CRADD: variants seen among roughly 807,000 people sequenced by gnomAD.
CRADD encodes the protein death domain-containing protein CRADD.
In CRADD, 9 loss-of-function variants were observed where a neutral mutation model predicts 15.5. That is an observed-to-expected ratio of 0.58 (90% CI 0.35 to 1.01). The LOEUF is 1.01. Ranked by LOEUF, CRADD falls within the 50% of genes least tolerant of loss-of-function variation. The pLI is 0.02. For missense variants in CRADD, 227 were observed against 250.3 expected, an observed-to-expected ratio of 0.91 and a Z score of 0.63; for synonymous variants, 118 against 107.6, an observed-to-expected ratio of 1.10 and a Z score of -0.60.
In CRADD at chr12:93,748,810, T is replaced by G. The variant is rs111377564; in HGVS notation, c.298+69738T>G. 3.9e-3 allele frequency among the ~76,000 whole-genome samples: 591 copies of G among 152,080 alleles called. 6 individuals are homozygous for G. Among genetic ancestry groups the G allele is most frequent in the African/African-American group, 0.014 (571 of 41,458 alleles). ...ACTAATCTGCAGTCTCTTCTGGGAG[T>G]TGATTGGAAACAGGTATCTTTGGGG... On this transcript the variant is annotated intron_variant, in intron 2 of 2. Transcript: ENST00000332896.
intron 2 of CRADD, among the ~76,000 whole-genome samples, chr12:93,868,392 C>A (rs1019373622): frequency 2.6e-5 from 4 of 152,078 alleles, no homozygotes; most frequent in Non-Finnish European, 4.4e-5. Context: ...TAATTCATAA[C>A]CTATAACTCC....
At chr12:93,877,223 T>C (rs1191199184) in intron 2 of CRADD, among the ~76,000 whole-genome samples, 1 of 152,206 alleles carries the variant, frequency 6.6e-6, no homozygotes, top group Non-Finnish European at 1.5e-5. Context: ...CAAGAACCTC[T>C]GTGGCTACCA....
chr12:93,831,756 A>C (rs973331388), intron 2 of CRADD, among the ~76,000 whole-genome samples: 3 of 152,226 alleles, frequency 2.0e-5, no homozygotes, highest in African/African-American at 7.2e-5. Flanking sequence ...ACCTGCTTGC[A>C]GGTTAGCGTC....
chr12:93,787,970 G>C (rs1487191786), intron 2 of CRADD, among the ~76,000 whole-genome samples: 1 of 152,146 alleles, frequency 6.6e-6, no homozygotes, highest in Non-Finnish European at 1.5e-5. Context: ...TAATTATCCT[G>C]TCTTTTCCTT....
intron 2 of CRADD, chr12:93,849,271 A>G (rs1958178039): frequency 6.6e-6 from 1 of 152,320 alleles, no homozygotes; most frequent in African/African-American, 2.4e-5. Flanking sequence ...GAATTCCCCC[A>G]GAATGCCTTG....
chr12:93,876,900 T>C (rs570238397), intron 2 of CRADD, among the ~76,000 whole-genome samples: 1 of 152,284 alleles, frequency 6.6e-6, no homozygotes, highest in South Asian at 2.1e-4. Context: ...TGTCTGGCCA[T>C]TGAAGAGTGA....
intron 2 of CRADD, among the ~76,000 whole-genome samples, chr12:93,730,687 A>G (rs1592939026): frequency 1.3e-5 from 2 of 149,010 alleles, no homozygotes; most frequent in East Asian, 3.9e-4. Context: ...GTAGAGCTAT[A>G]TTTATTATTT....
At chr12:93,805,233 A>G (rs1386292390) in intron 2 of CRADD, among the ~76,000 whole-genome samples, 1 of 152,042 alleles carries the variant, frequency 6.6e-6, no homozygotes, top group Non-Finnish European at 1.5e-5. Flanking sequence ...AAATCCTGTA[A>G]TACAGATTTC....
At position 93,850,173 on chromosome 12, in the gene CRADD, C is replaced by T. The variant is rs759706743; in HGVS notation, c.502C>T (p.Arg168Trp). 1.7e-5 allele frequency: 28 copies of T among 1,613,768 alleles called. No homozygotes were observed. The highest frequency in any genetic ancestry group is 9.9e-5 in the South Asian group (9 of 91,078). Residue 168 changes from arginine to tryptophan, a missense_variant, in exon 3 of 3, where the codon CGG (arginine) becomes TGG (tryptophan). By Grantham distance (101) the Arg-to-Trp change is moderately radical. Coordinates refer to ENST00000332896, the MANE Select transcript of CRADD (RefSeq NM_003805.5). The surrounding 1 kb of genome is among the most constrained non-coding windows in gnomAD (Gnocchi z 4.0). ...SQVVEAFIRWRQRFGKQATFQ... is the reference protein window; with the variant it reads ...SQVVEAFIRWWQRFGKQATFQ... ...GGTGGTGGAGGCCTTCATCCGTTGGCGGCAGCGCTTCGGGAAGCAGGCCAC... is the reference window on the plus strand; with the variant it reads ...GGTGGTGGAGGCCTTCATCCGTTGGTGGCAGCGCTTCGGGAAGCAGGCCAC...
At chr12:93,854,703 CA>C (rs570764705), downstream of CRADD, among the ~76,000 whole-genome samples, 459 of 152,284 alleles carry the variant, frequency 3.0e-3, 2 homozygotes, top group Non-Finnish European at 4.2e-3. Flanking sequence ...TCCCCCACCC[CA>C]CAGAATGCAC....
At chr12:93,704,544 G>A (rs544796689) in intron 2 of CRADD, among the ~76,000 whole-genome samples, 1 of 152,210 alleles carries the variant, frequency 6.6e-6, no homozygotes, top group East Asian at 1.9e-4. Flanking sequence ...CTGTCTACTT[G>A]AGTCCATCCC....
chr12:93,740,587 A>C (rs1032550054), intron 2 of CRADD, among the ~76,000 whole-genome samples: 6 of 152,194 alleles, frequency 3.9e-5, no homozygotes, highest in African/African-American at 1.4e-4. Context: ...AAATAAGATA[A>C]ATTGGATTCT....
At chr12:93,750,159 G>A (rs1956813159) in intron 2 of CRADD, among the ~76,000 whole-genome samples, 1 of 152,098 alleles carries the variant, frequency 6.6e-6, no homozygotes, top group South Asian at 2.1e-4. Flanking sequence ...AGGAACTTCG[G>A]GCATATAAAT....
In CRADD at chr12:93,786,262, C is replaced by T. The variant is rs77298408; in HGVS notation, c.299-63708C>T. 3.2e-3 allele frequency among the ~76,000 whole-genome samples: 482 copies of T among 152,282 alleles called. 2 individuals carry two copies. The highest frequency in any genetic ancestry group is 0.011 in the African/African-American group (442 of 41,560). ...CACAGTTGAGAGATGAAGGACAGAC[C>T]TGGATTCTAACAGACCTAAATTTGA... On this transcript the variant is annotated intron_variant, in intron 2 of 2. Coordinates refer to ENST00000332896, the MANE Select transcript of CRADD (RefSeq NM_003805.5).
chr12:93,751,097 C>T (rs760496035), intron 2 of CRADD, among the ~76,000 whole-genome samples: 6 of 152,066 alleles, frequency 3.9e-5, no homozygotes, highest in Non-Finnish European at 7.4e-5. Flanking sequence ...AGACATTCCA[C>T]AAATACAAAT....
chr12:93,757,147 A>G (rs1956899949), intron 2 of CRADD, among the ~76,000 whole-genome samples: 1 of 152,234 alleles, frequency 6.6e-6, no homozygotes, highest in South Asian at 2.1e-4. Flanking sequence ...ATAAAGCATT[A>G]GAAGATTTTC....
chr12:93,828,864 A>C (rs572994668), intron 2 of CRADD, among the ~76,000 whole-genome samples: 3 of 152,292 alleles, frequency 2.0e-5, no homozygotes, highest in African/African-American at 7.2e-5. Context: ...CTATTTTTAA[A>C]AATATGTTTG....
At chr12:93,851,390 C>T (rs1372772043), downstream of CRADD, among the ~76,000 whole-genome samples, 1 of 152,190 alleles carries the variant, frequency 6.6e-6, no homozygotes, top group Non-Finnish European at 1.5e-5. Flanking sequence ...TCCTGCTCCC[C>T]GCCTACTAGG....
chr12:93,784,305 G>A (rs1344986998), intron 2 of CRADD, among the ~76,000 whole-genome samples: 1 of 152,112 alleles, frequency 6.6e-6, no homozygotes, highest in African/African-American at 2.4e-5. Context: ...AAGTTTTATG[G>A]TATGACAGGC....
Sources: gnomAD v4.1 joint callset for allele counts (sites outside exome capture counted in the v4.1 genomes callset) on GRCh38, gnomAD v4.1.1 for gene constraint, Gnocchi (gnomAD v3.1) non-coding constraint, MANE v1.5 for transcripts, NCBI Gene and HGNC (gene_info 2026-07-23, HGNC 2026-07-21) for gene names.